CLINT1: variants seen among roughly 807,000 people sequenced by gnomAD.
The protein encoded by CLINT1 is clathrin interacting protein localized in the trans-Golgi region.
In CLINT1, 15 loss-of-function variants were observed where a neutral mutation model predicts 70.4. The ratio of observed to expected loss-of-function variants is 0.21; its 90% CI spans 0.14 to 0.33. CLINT1 has a LOEUF of 0.33. Ranked by LOEUF, CLINT1 falls within the 10% of genes least tolerant of loss-of-function variation. The pLI is 1.00. For synonymous variants in CLINT1, 227 were observed against 254.7 expected, an observed-to-expected ratio of 0.89 and a Z score of 1.04; for missense variants, 615 against 778.1, an observed-to-expected ratio of 0.79 and a Z score of 2.49.
chr5:157,854,320 C>T (rs1214202224), intron 1 of CLINT1, among the ~76,000 whole-genome samples: 2 of 152,162 alleles, frequency 1.3e-5, no homozygotes, highest in Admixed American at 6.5e-5. Context: ...GCAATGGCTC[C>T]CGCCTGTAAT....
At chr5:157,811,539 AAAAAAGAAAAG>A (rs1762558272) in intron 5 of CLINT1, among the ~76,000 whole-genome samples, 1 of 151,948 alleles carries the variant, frequency 6.6e-6, no homozygotes, top group Non-Finnish European at 1.5e-5. Flanking sequence ...CAAAAAAAAA[AAAAAAGAAAAG>A]AAAAAGAAAA....
Position 157,828,526 on chromosome 5 carries a change from C to CA in CLINT1, c.42-10980dup, listed in dbSNP as rs1268727096. On this transcript the variant is annotated intron_variant, in intron 1 of 11. Transcript: ENST00000411809. ...ACATGTGAGCAAAGCCCGGAAGAAC[C>CA]AAAAAAACCATATGAAAACAGCTGT... Among the ~76,000 whole-genome samples, 3 of 151,720 alleles carry CA rather than the reference C, an allele frequency of 2.0e-5. 1 individual carries two copies. Among genetic ancestry groups the CA allele is most frequent in the East Asian group, 3.9e-4 (2 of 5,184 alleles).
At chr5:157,846,380 CACA>C (rs34171351) in intron 1 of CLINT1, among the ~76,000 whole-genome samples, 20,329 of 152,100 alleles carry the variant, frequency 0.13, 1,766 homozygotes, top group African/African-American at 0.25. Flanking sequence ...TCAAACTAGC[CACA>C]ACATTCCCTT....
chr5:157,828,694 C>T (rs1256016754), intron 1 of CLINT1, among the ~76,000 whole-genome samples: 2 of 151,936 alleles, frequency 1.3e-5, no homozygotes, highest in Non-Finnish European at 2.9e-5. Context: ...TCTCAAATTG[C>T]TAAAGAAGTA....
At position 157,859,077 on chromosome 5, in the gene CLINT1, C is replaced by G; in HGVS notation, c.-107G>C. ...AGGCCGGGGTCACCGCCGCCCGCCG[C>G]CTCGAACTCCCCCAGTCAGCTCCTT... On this transcript the variant is annotated 5_prime_UTR_variant, in exon 1 of 12. Coordinates refer to ENST00000411809, the MANE Select transcript of CLINT1 (RefSeq NM_014666.4). The G allele has an allele frequency of 8.0e-7, 1 of 1,250,080 alleles. No homozygotes were observed. The highest frequency in any genetic ancestry group is 2.7e-5 in the East Asian group (1 of 36,792). 77.4% of individuals were successfully genotyped at this position (1,250,080 alleles called of 1,614,324 possible). A position where few individuals can be genotyped will look rare whatever the true frequency, so the allele number is the denominator to read the frequency against.
intron 1 of CLINT1, among the ~76,000 whole-genome samples, chr5:157,841,922 C>T (rs1410867429): frequency 3.3e-5 from 5 of 152,172 alleles, no homozygotes; most frequent in African/African-American, 1.2e-4. Flanking sequence ...TGAGCCAGCA[C>T]GTCCAGCCGA....
intron 1 of CLINT1, among the ~76,000 whole-genome samples, chr5:157,826,081 G>C (rs751258131): frequency 1.3e-5 from 2 of 152,026 alleles, no homozygotes; most frequent in Non-Finnish European, 2.9e-5. Flanking sequence ...AGGAGGAAGG[G>C]GGAGCAAGTG....
rs569597493 is a variant in CLINT1 at position 157,817,554 on chromosome 5, A to G, written c.42-7T>C. On this transcript the variant is annotated splice_polypyrimidine_tract_variant and splice_region_variant and intron_variant, in intron 1 of 11. Coordinates refer to ENST00000411809, the MANE Select transcript of CLINT1 (RefSeq NM_014666.4). ...ATTCATAACAACATTGGTGCTGTAGAGGAAAAAAATGCACGCACACATGCA... is the reference window on the plus strand; with the variant it reads ...ATTCATAACAACATTGGTGCTGTAGGGGAAAAAAATGCACGCACACATGCA... The G allele has an allele frequency of 1.9e-4, 307 of 1,576,454 alleles. 1 individual carries two copies. In the African/African-American group the frequency reaches 2.8e-3, roughly 14 times the overall value.
intron 1 of CLINT1, among the ~76,000 whole-genome samples, chr5:157,847,906 G>C (rs73293462): frequency 6.0e-4 from 91 of 152,216 alleles, no homozygotes; most frequent in African/African-American, 2.1e-3. Context: ...TTGACCTCCT[G>C]AGCTCAAGTA....
intron 7 of CLINT1, among the ~76,000 whole-genome samples, chr5:157,804,037 T>TAA (rs3836883): frequency 1.5e-5 from 2 of 131,348 alleles, no homozygotes; most frequent in African/African-American, 2.8e-5. Flanking sequence ...ATCAGTTCAT[T>TAA]AAAAAAAAAA....
At chr5:157,788,306 T>TA (rs796195533) in intron 11 of CLINT1, among the ~76,000 whole-genome samples, 2 of 152,280 alleles carry the variant, frequency 1.3e-5, no homozygotes, top group South Asian at 2.1e-4. Context: ...CTAGTGTGTA[T>TA]AAAAAATCTT....
chr5:157,807,350 A>G (rs1762419504), intron 6 of CLINT1, among the ~76,000 whole-genome samples: 1 of 152,152 alleles, frequency 6.6e-6, no homozygotes, highest in East Asian at 1.9e-4. Context: ...TAGTCCTACA[A>G]GTAAAACTGA....
In CLINT1 at chr5:157,817,562, AATG is replaced by A. The variant is rs763654306; in HGVS notation, c.42-18_42-16del. 1 of 1,516,020 alleles carries A rather than the reference AATG, an allele frequency of 6.6e-7. No individual in the cohort carries two copies. The highest frequency in any genetic ancestry group is 1.8e-5 in the Admixed American group (1 of 54,330). 93.9% of individuals were successfully genotyped at this position (1,516,020 alleles called of 1,614,324 possible). On this transcript the variant is annotated splice_polypyrimidine_tract_variant and intron_variant, in intron 1 of 11. Transcript: ENST00000411809. The stretch of plus-strand genomic sequence containing the variant: ...CAACATTGGTGCTGTAGAGGAAAAA[AATG>A]CACGCACACATGCACAAAGATTAGC...
At position 157,805,986 on chromosome 5, in the gene CLINT1, T is replaced by C; in HGVS notation, c.822A>G (p.Arg274=). The C allele has an allele frequency of 1.2e-6, 2 of 1,614,012 alleles. No homozygotes were observed. The highest frequency in any genetic ancestry group is 1.7e-6 in the Non-Finnish European group (2 of 1,179,902). ...ITQATETTTT[R]HKRTANPSKT... ...TGGAAGGATTTGCTGTGCGCTTGTGTCTGGTTGTGGTGGTCTCTGTGGCCT... is the reference window on the plus strand; with the variant it reads ...TGGAAGGATTTGCTGTGCGCTTGTGCCTGGTTGTGGTGGTCTCTGTGGCCT... The change falls in exon 7 of 12, where the codon AGA becomes AGG. Residue 274 remains arginine (R), a synonymous_variant. Transcript: ENST00000411809.
intron 1 of CLINT1, among the ~76,000 whole-genome samples, chr5:157,844,368 G>A (rs531720777): frequency 6.6e-6 from 1 of 152,238 alleles, no homozygotes; most frequent in South Asian, 2.1e-4. Flanking sequence ...ATATCATCTT[G>A]TGTCATTTTC....
At chr5:157,792,429 T>C (rs1761946505) in intron 9 of CLINT1, among the ~76,000 whole-genome samples, 1 of 152,094 alleles carries the variant, frequency 6.6e-6, no homozygotes, top group African/African-American at 2.4e-5. Flanking sequence ...ACACCTGTAG[T>C]CCCAGCTACT....
At chr5:157,845,103 C>CT (rs1278179896) in intron 1 of CLINT1, among the ~76,000 whole-genome samples, 1 of 152,160 alleles carries the variant, frequency 6.6e-6, no homozygotes, top group African/African-American at 2.4e-5. Flanking sequence ...AATCCCAGCA[C>CT]TTTGGGAGGC....
Position 157,809,764 on chromosome 5 carries a change from C to G in CLINT1, c.559G>C (p.Glu187Gln). ...AAAGCACTCTTGTTTTTATCCCACTCCTCATCCCATTTTGATTTGGGCTCA... is the reference window on the plus strand; with the variant it reads ...AAAGCACTCTTGTTTTTATCCCACTGCTCATCCCATTTTGATTTGGGCTCA... ...DPEPKSKWDE[E>Q]WDKNKSAFPF... Residue 187 changes from glutamate to glutamine, a missense_variant, in exon 6 of 12, where the codon GAG (glutamate) becomes CAG (glutamine). By Grantham distance (29) the Glu-to-Gln change is conservative. This residue lies in a region of CLINT1 where 241 missense variants were observed against 368.6 expected (regional missense o/e 0.65). Transcript: ENST00000411809. 6.2e-7 allele frequency: 1 copy of G among 1,613,274 alleles called. No homozygotes were observed. Among genetic ancestry groups the G allele is most frequent in the Admixed American group, 1.7e-5 (1 of 59,950 alleles).
intron 10 of CLINT1, chr5:157,790,801 A>C (rs1761878380): frequency 3.4e-6 from 1 of 294,976 alleles, no homozygotes; most frequent in African/African-American, 2.2e-5. Flanking sequence ...TTCGGATTTA[A>C]CTATAAAATA....
Sources: allele counts gnomAD v4.1 joint callset (sites outside exome capture counted in the v4.1 genomes callset), GRCh38; gene constraint gnomAD v4.1.1; regional missense constraint gnomAD v4.1.1; transcripts MANE v1.5; gene names NCBI Gene and HGNC (gene_info 2026-07-23, HGNC 2026-07-21).